GRIA1: variants seen among roughly 807,000 people sequenced by gnomAD.
The protein encoded by GRIA1 is glutamate receptor 1.
GRIA1 carries 31 observed loss-of-function variants against 99.2 expected under a neutral mutation model. The ratio of observed to expected loss-of-function variants is 0.31; its 90% confidence interval spans 0.23 to 0.42. GRIA1 has a LOEUF of 0.42. GRIA1 is among the 10% of genes least tolerant of loss of function. The pLI, the probability that GRIA1 is intolerant of heterozygous loss-of-function variation, is 1.00. For missense variants in GRIA1, 782 were observed against 1,157.5 expected, an observed-to-expected ratio of 0.68 and a Z score of 4.71; for synonymous variants, 438 against 432.4, an observed-to-expected ratio of 1.01 and a Z score of -0.16.
rs1265927201 is a variant in GRIA1, at chr5:153,778,675, ACACAC to A, written c.2270+8261_2270+8265del. ...ACCACACACACACACACACACACAC[ACACAC>A]ACACACATACACGCACACACACAAA... is the stretch of plus-strand genomic sequence containing the variant. On this transcript the variant is annotated intron_variant, in intron 13 of 15. Transcript: ENST00000285900. 4.6e-5 allele frequency among the ~76,000 whole-genome samples: 7 copies of A among 151,874 alleles called. No homozygotes were observed. In the East Asian group the frequency reaches 1.4e-3, roughly 29 times the overall value.
chr5:153,648,757 A>G (rs549705597), intron 3 of GRIA1, among the ~76,000 whole-genome samples: 74 of 152,322 alleles, frequency 4.9e-4, no homozygotes, highest in African/African-American at 1.6e-3. Flanking sequence ...TAACTGTGTT[A>G]CTGAAAGTCA....
intron 2 of GRIA1, among the ~76,000 whole-genome samples, chr5:153,600,561 A>G (rs1764856012): frequency 6.6e-6 from 1 of 152,128 alleles, no homozygotes; most frequent in African/African-American, 2.4e-5. Context: ...ATTTCAGACC[A>G]CTATACCCAA....
intron 11 of GRIA1, among the ~76,000 whole-genome samples, chr5:153,764,213 C>A (rs1231230691): frequency 1.3e-5 from 2 of 152,066 alleles, no homozygotes; most frequent in Non-Finnish European, 2.9e-5. Flanking sequence ...GCTTTATCAC[C>A]CCTGAAGGAC....
chr5:153,604,504 C>G (rs1301273671), intron 2 of GRIA1, among the ~76,000 whole-genome samples: 1 of 152,182 alleles, frequency 6.6e-6, no homozygotes, highest in African/African-American at 2.4e-5. Context: ...ATATAGCACA[C>G]TGTTTTATCA....
chr5:153,775,655 T>C (rs964397158), intron 13 of GRIA1, among the ~76,000 whole-genome samples: 6 of 151,398 alleles, frequency 4.0e-5, no homozygotes, highest in Non-Finnish European at 7.4e-5. Flanking sequence ...AGAGATGCAA[T>C]CCCAGTGCTT....
intron 2 of GRIA1, among the ~76,000 whole-genome samples, chr5:153,540,706 G>T (rs1355444224): frequency 2.0e-5 from 3 of 152,178 alleles, no homozygotes; most frequent in Non-Finnish European, 2.9e-5. Flanking sequence ...AATCGCAGAT[G>T]GGGGAAAGTG....
chr5:153,661,499 A>G (rs982211800), intron 5 of GRIA1, among the ~76,000 whole-genome samples: 1 of 152,100 alleles, frequency 6.6e-6, no homozygotes, highest in Admixed American at 6.6e-5. Context: ...ATATTTTTTC[A>G]CTTACTATAC....
chr5:153,603,020 A>T (rs376836360), intron 2 of GRIA1, among the ~76,000 whole-genome samples: 24 of 151,838 alleles, frequency 1.6e-4, no homozygotes, highest in African/African-American at 5.8e-4. Context: ...TAACAATTAC[A>T]ATTAACTTGT....
chr5:153,508,784 T>C (rs1755780117), intron 2 of GRIA1, among the ~76,000 whole-genome samples: 1 of 152,218 alleles, frequency 6.6e-6, no homozygotes, highest in Non-Finnish European at 1.5e-5. Context: ...ACAAAAGCTT[T>C]TTTAAAAAAC....
chr5:153,633,627 G>A (rs1350872243), intron 2 of GRIA1, among the ~76,000 whole-genome samples: 1 of 152,024 alleles, frequency 6.6e-6, no homozygotes, highest in Non-Finnish European at 1.5e-5. Flanking sequence ...TCCTCCTTCT[G>A]GAAAATAGTA....
intron 5 of GRIA1, among the ~76,000 whole-genome samples, chr5:153,671,081 T>C (rs1756136414): frequency 6.6e-6 from 1 of 152,240 alleles, no homozygotes; most frequent in South Asian, 2.1e-4. Context: ...TGTCCATTTT[T>C]TCTTAGGAGG....
intron 2 of GRIA1, among the ~76,000 whole-genome samples, chr5:153,504,639 A>C (rs1755322820): frequency 6.6e-6 from 1 of 152,138 alleles, no homozygotes; most frequent in South Asian, 2.1e-4. Flanking sequence ...AAGGTCTGAA[A>C]TTCAGGCTTC....
intron 2 of GRIA1, among the ~76,000 whole-genome samples, chr5:153,614,223 T>C (rs2149413379): frequency 6.6e-6 from 1 of 152,342 alleles, no homozygotes; most frequent in East Asian, 1.9e-4. Flanking sequence ...TACTTGGGTA[T>C]TTAGTTGTTT....
intron 7 of GRIA1, among the ~76,000 whole-genome samples, chr5:153,684,671 C>G (rs9324756): frequency 6.6e-6 from 1 of 152,028 alleles, no homozygotes; most frequent in African/African-American, 2.4e-5. Context: ...TAAGGGAACA[C>G]TAAAGATTGG....
chr5:153,785,739 C>G (rs950753169), intron 13 of GRIA1, among the ~76,000 whole-genome samples: 5 of 152,222 alleles, frequency 3.3e-5, no homozygotes, highest in African/African-American at 9.6e-5. Context: ...AGCTTTTTAT[C>G]TAGCTCGTGA....
intron 2 of GRIA1, among the ~76,000 whole-genome samples, chr5:153,633,650 TATAAGTTAGAGAGGTGAAA>T: frequency 6.6e-6 from 1 of 152,306 alleles, no homozygotes; most frequent in South Asian, 2.1e-4. Context: ...GAAGAAAATG[TATAAGTTAGAGAGGTGAAA>T]GAGTGTTAGA....
chr5:153,770,974 A>G (rs544621885), intron 13 of GRIA1, among the ~76,000 whole-genome samples: 11 of 152,352 alleles, frequency 7.2e-5, no homozygotes, highest in African/African-American at 2.6e-4. Flanking sequence ...TTAGCAAGAT[A>G]TAGACAGTTT....
intron 14 of GRIA1, among the ~76,000 whole-genome samples, chr5:153,795,970 G>T (rs1327732794): frequency 6.6e-6 from 1 of 150,824 alleles, no homozygotes; most frequent in Non-Finnish European, 1.5e-5. Flanking sequence ...CAAAATGATG[G>T]TCTGGGTCTT....
intron 11 of GRIA1, among the ~76,000 whole-genome samples, chr5:153,717,349 G>A (rs778040030): frequency 5.9e-5 from 9 of 152,296 alleles, no homozygotes; most frequent in Non-Finnish European, 1.0e-4. Context: ...AAAGAGAAAT[G>A]AGGAGGGAAT....
Sources: allele counts gnomAD v4.1 joint callset (sites outside exome capture counted in the v4.1 genomes callset), GRCh38; gene constraint gnomAD v4.1.1; transcripts MANE v1.5; gene names NCBI Gene and HGNC (gene_info 2026-07-23, HGNC 2026-07-21).